The following LINGO2 variants were observed in gnomAD, a reference collection of about 807,000 sequenced individuals.
LINGO2 encodes leucine rich repeat and Ig domain containing 2, also known as leucine-rich repeat and immunoglobulin-like domain-containing nogo receptor-interacting protein 2.
In LINGO2, 14 loss-of-function variants were observed where a neutral mutation model predicts 30.6. The ratio of observed to expected loss-of-function variants is 0.46; its 90% confidence interval spans 0.30 to 0.72. LINGO2 has a LOEUF of 0.72. Among genes scored for constraint, LINGO2 ranks in the 30% least tolerant of loss-of-function variants. LINGO2 has a pLI of 0.07. For missense variants in LINGO2, 729 were observed against 751.7 expected (o/e 0.97, Z 0.35); for synonymous variants, 317 against 288.5 (o/e 1.10, Z -1.00).
the LINGO2 span, among the ~76,000 whole-genome samples, chr9:28,820,280 A>C: frequency 2.0e-5 from 3 of 151,602 alleles, no homozygotes; most frequent in Admixed American, 6.6e-5. Context: ...GAGCAAGACT[A>C]TAGAAGACCA....
At chr9:28,002,120 G>A (rs1352167790) in intron 5 of LINGO2, among the ~76,000 whole-genome samples, 3 of 152,182 alleles carry the variant, frequency 2.0e-5, no homozygotes, top group Non-Finnish European at 4.4e-5. Flanking sequence ...ATTACAGTGT[G>A]AGCACCAGCA....
At chr9:27,938,860 G>T in the LINGO2 span, 1 of 152,134 alleles carries the variant, frequency 6.6e-6, no homozygotes, top group Non-Finnish European at 1.5e-5. Context: ...AAAGGAGATT[G>T]TGCTTGGATA....
At chr9:29,120,998 T>C in the LINGO2 span, among the ~76,000 whole-genome samples, 3 of 152,168 alleles carry the variant, frequency 2.0e-5, no homozygotes, top group African/African-American at 4.8e-5. Context: ...AGAAGTGTCA[T>C]AATCTTCACC....
chr9:29,018,547 A>G, the LINGO2 span, among the ~76,000 whole-genome samples: 6 of 152,156 alleles, frequency 3.9e-5, no homozygotes, highest in Non-Finnish European at 8.8e-5. Context: ...TTTAATCCTC[A>G]CAATAACTCT....
intron 1 of LINGO2, among the ~76,000 whole-genome samples, chr9:28,502,351 G>C (rs1819927231): frequency 6.6e-6 from 1 of 151,740 alleles, no homozygotes; most frequent in Non-Finnish European, 1.5e-5. Flanking sequence ...CTTCTCTCTT[G>C]TCTGCCCAAA....
chr9:29,137,162 AG>A, the LINGO2 span, among the ~76,000 whole-genome samples: 1 of 152,100 alleles, frequency 6.6e-6, no homozygotes, highest in African/African-American at 2.4e-5. Context: ...TGTTTTCAGA[AG>A]GGTACTGATG....
At chr9:28,785,866 C>A in the LINGO2 span, among the ~76,000 whole-genome samples, 1 of 151,664 alleles carries the variant, frequency 6.6e-6, no homozygotes, top group South Asian at 2.1e-4. Context: ...CTTCTGTAGA[C>A]CTACAGTTTG....
At chr9:28,300,391 G>A (rs12340711) in intron 3 of LINGO2, among the ~76,000 whole-genome samples, 8,840 of 152,118 alleles carry the variant, frequency 0.058, 392 homozygotes, top group South Asian at 0.12. Flanking sequence ...CACTGAGAAC[G>A]CAGGGCCTGA....
chr9:28,425,278 A>G (rs1292204665), intron 2 of LINGO2, among the ~76,000 whole-genome samples: 2 of 147,596 alleles, frequency 1.4e-5, no homozygotes, highest in Non-Finnish European at 3.0e-5. Flanking sequence ...TATATTATAT[A>G]TGTGTGTATA....
chr9:29,128,744 A>C, the LINGO2 span, among the ~76,000 whole-genome samples: 1 of 152,100 alleles, frequency 6.6e-6, no homozygotes, highest in South Asian at 2.1e-4. Context: ...TTGCTATCTC[A>C]TGGCTAGAGT....
At chr9:29,076,812 T>C in the LINGO2 span, among the ~76,000 whole-genome samples, 1 of 151,812 alleles carries the variant, frequency 6.6e-6, no homozygotes, top group Admixed American at 6.6e-5. Flanking sequence ...AGTTTCCTTA[T>C]AATTAAAGAG....
chr9:29,211,868 C>T, the LINGO2 span, among the ~76,000 whole-genome samples: 101 of 152,238 alleles, frequency 6.6e-4, no homozygotes, highest in Non-Finnish European at 7.1e-4. Context: ...AAAAAACTTC[C>T]CTTAAAGCAG....
At chr9:28,700,775 A>G in the LINGO2 span, among the ~76,000 whole-genome samples, 17 of 152,114 alleles carry the variant, frequency 1.1e-4, no homozygotes, top group Admixed American at 2.0e-4. Flanking sequence ...CCAGCAATGA[A>G]TAAGAGGTCC....
At chr9:28,780,400 G>A in the LINGO2 span, among the ~76,000 whole-genome samples, 1 of 152,060 alleles carries the variant, frequency 6.6e-6, no homozygotes, top group Non-Finnish European at 1.5e-5. Flanking sequence ...AAGGTTTACA[G>A]GAATCTATAT....
intron 4 of LINGO2, among the ~76,000 whole-genome samples, chr9:28,264,431 A>T (rs558497787): frequency 6.6e-6 from 1 of 152,126 alleles, no homozygotes; most frequent in Admixed American, 6.6e-5. Flanking sequence ...ATTATTTTTT[A>T]ACTTAATATA....
the LINGO2 span, among the ~76,000 whole-genome samples, chr9:29,120,386 AC>A: frequency 0.026 from 3,913 of 152,290 alleles, 155 homozygotes; most frequent in African/African-American, 0.088. Flanking sequence ...AGAACCAAAA[AC>A]GGGTCTAAGA....
intron 4 of LINGO2, among the ~76,000 whole-genome samples, chr9:28,170,631 G>A (rs1467782384): frequency 3.3e-5 from 5 of 152,142 alleles, no homozygotes; most frequent in African/African-American, 1.2e-4. Context: ...TAGCTGTGGA[G>A]GTCAAAAGTG....
chr9:28,547,789 G>A (rs1432487506), intron 1 of LINGO2, among the ~76,000 whole-genome samples: 1 of 152,052 alleles, frequency 6.6e-6, no homozygotes, highest in Non-Finnish European at 1.5e-5. Context: ...AATGACAAAA[G>A]GCTGAACATA....
At chr9:28,932,130 A>G in the LINGO2 span, among the ~76,000 whole-genome samples, 2 of 148,596 alleles carry the variant, frequency 1.3e-5, no homozygotes, top group African/African-American at 4.9e-5. Context: ...AATAAAATAA[A>G]ATAAGATAAA....
Sources: gnomAD v4.1 joint callset for allele counts (sites outside exome capture counted in the v4.1 genomes callset) on GRCh38, gnomAD v4.1.1 for gene constraint, MANE v1.5 for transcripts, NCBI Gene and HGNC (gene_info 2026-07-23, HGNC 2026-07-21) for gene names.